The following NCAM1 variants were observed in gnomAD, a reference collection of about 807,000 sequenced individuals.
NCAM1 encodes antigen recognized by monoclonal antibody 5.1H11.
A neutral mutation model predicts 109.8 loss-of-function variants in NCAM1; 14 were observed. The ratio of observed to expected loss-of-function variants is 0.13; its 90% CI spans 0.08 to 0.20. NCAM1 has a LOEUF of 0.20. NCAM1 is among the 10% of genes least tolerant of loss of function. NCAM1 has a pLI of 1.00. For synonymous variants in NCAM1, 418 were observed against 442.9 expected (o/e 0.94, Z 0.70); for missense variants, 774 against 1,109.9 (o/e 0.70, Z 4.30).
At chr11:113,253,530 C>T (rs1437821869) in intron 15 of NCAM1, among the ~76,000 whole-genome samples, 3 of 152,128 alleles carry the variant, frequency 2.0e-5, no homozygotes, top group Non-Finnish European at 4.4e-5. Context: ...TGGAATGAAA[C>T]TTGATCGAGG....
intron 1 of NCAM1, among the ~76,000 whole-genome samples, chr11:113,112,332 A>G (rs889639692): frequency 2.6e-5 from 4 of 152,232 alleles, no homozygotes; most frequent in Admixed American, 6.5e-5. Context: ...TTTCCTTTAA[A>G]AGGCACAATA....
intron 1 of NCAM1, among the ~76,000 whole-genome samples, chr11:112,967,887 T>C (rs1379623740): frequency 6.6e-6 from 1 of 152,020 alleles, no homozygotes; most frequent in African/African-American, 2.4e-5. Context: ...GCCTGAAGGG[T>C]ATATAATTTT....
In NCAM1 at chr11:113,114,004, C is replaced by T. The variant is rs77271757; in HGVS notation, c.53-88375C>T. ...GGCTAACAATCTGCTTTTAAACTAG[C>T]GATGTATTCTGATGCCCAGTGCTTC... On this transcript the variant is annotated intron_variant, in intron 1 of 19. Transcript: ENST00000316851. Among the ~76,000 whole-genome samples the T allele has an allele frequency of 7.4e-3, 1,125 of 152,294 alleles. 5 individuals carry two copies. The highest frequency in any genetic ancestry group is 0.011 in the Non-Finnish European group (769 of 68,028).
At chr11:113,157,476 T>G (rs1274778790) in intron 1 of NCAM1, among the ~76,000 whole-genome samples, 18 of 152,180 alleles carry the variant, frequency 1.2e-4, no homozygotes, top group Admixed American at 1.2e-3. Flanking sequence ...ATAATACACA[T>G]ACTAGTCAGA....
At chr11:113,137,493 A>G (rs1348749391) in intron 1 of NCAM1, among the ~76,000 whole-genome samples, 1 of 152,254 alleles carries the variant, frequency 6.6e-6, no homozygotes, top group Non-Finnish European at 1.5e-5. Flanking sequence ...GCATTAAGCA[A>G]CAAATATTAA....
chr11:113,207,746 A>T, intron 6 of NCAM1, 87 bp from the exon 7 acceptor site: 2 of 1,392,564 alleles, frequency 1.4e-6, no homozygotes, highest in Admixed American at 2.1e-5. Flanking sequence ...CCATTGACTC[A>T]GTCTGCATTC....
intron 1 of NCAM1, among the ~76,000 whole-genome samples, chr11:113,075,205 T>A (rs1938474851): frequency 2.0e-5 from 3 of 151,908 alleles, no homozygotes; most frequent in African/African-American, 7.3e-5. Context: ...TAGCTGGGAG[T>A]ACAGGTGCAC....
chr11:113,008,626 A>C (rs1951950763), intron 1 of NCAM1, among the ~76,000 whole-genome samples: 1 of 152,208 alleles, frequency 6.6e-6, no homozygotes, highest in Admixed American at 6.5e-5. Context: ...ATTCTTCTTG[A>C]TACTAAATAG....
intron 1 of NCAM1, among the ~76,000 whole-genome samples, chr11:113,006,626 C>A (rs917660893): frequency 6.6e-6 from 1 of 152,152 alleles, no homozygotes; most frequent in Admixed American, 6.5e-5. Context: ...GTAAAGAGAA[C>A]TTTTGATCAG....
intron 1 of NCAM1, among the ~76,000 whole-genome samples, chr11:113,169,629 G>GTTTTT (rs3051905): frequency 2.9e-5 from 4 of 139,280 alleles, no homozygotes; most frequent in Non-Finnish European, 4.6e-5. Flanking sequence ...TTGGATGGGA[G>GTTTTT]TTTTTTTTTT....
rs142001789 is a variant in NCAM1 at position 113,049,538 on chromosome 11, G to A, written c.52+87874G>A. On this transcript the variant is annotated intron_variant, in intron 1 of 19. Coordinates refer to ENST00000316851, the MANE Select transcript of NCAM1 (RefSeq NM_181351.5). Reference sequence around the variant, plus strand: ...CTTCTGCTTCCATTATTTGAGCCAGGGTGATGATTCTTTTCCCAGATACTC... The same window carrying A: ...CTTCTGCTTCCATTATTTGAGCCAGAGTGATGATTCTTTTCCCAGATACTC... 1.6e-4 allele frequency among the ~76,000 whole-genome samples: 25 copies of A among 152,272 alleles called. 1 individual carries two copies. The East Asian group carries it at 4.8e-3, about 29-fold the overall frequency.
intron 1 of NCAM1, among the ~76,000 whole-genome samples, chr11:112,980,759 A>G (rs1324346840): frequency 2.0e-5 from 3 of 151,812 alleles, no homozygotes; most frequent in African/African-American, 7.2e-5. Context: ...ATCCCTATGA[A>G]GGTTTATTTT....
At chr11:113,157,707 C>A (rs1942464493) in intron 1 of NCAM1, among the ~76,000 whole-genome samples, 1 of 152,058 alleles carries the variant, frequency 6.6e-6, no homozygotes, top group Non-Finnish European at 1.5e-5. Context: ...AGCAGTAATA[C>A]ATATGTTATC....
At chr11:113,007,087 G>A (rs1473207926) in intron 1 of NCAM1, among the ~76,000 whole-genome samples, 1 of 152,200 alleles carries the variant, frequency 6.6e-6, no homozygotes, top group Non-Finnish European at 1.5e-5. Context: ...GATAGGAAGT[G>A]TTGCATTAAT....
In NCAM1 at chr11:113,017,085, C is replaced by T. The variant is rs543695381; in HGVS notation, c.52+55421C>T. ...TCAGAGTTTTGTCAACGTGTTGCAA[C>T]AACCTATGAATCAGAGGATGACAGT... On this transcript the variant is annotated intron_variant, in intron 1 of 19. Transcript: ENST00000316851. 5.3e-5 allele frequency among the ~76,000 whole-genome samples: 8 copies of T among 152,276 alleles called. No homozygotes were observed. In the East Asian group the frequency reaches 1.5e-3, roughly 29 times the overall value.
At chr11:113,207,658 A>G (rs1225917828) in intron 6 of NCAM1, among the ~76,000 whole-genome samples, 175 bp from the exon 7 acceptor site, 1 of 152,144 alleles carries the variant, frequency 6.6e-6, no homozygotes, top group Non-Finnish European at 1.5e-5. Context: ...TAGTCAGAGG[A>G]TGGAATAGAG....
At chr11:112,978,966 A>G (rs1951077999) in intron 1 of NCAM1, among the ~76,000 whole-genome samples, 1 of 151,868 alleles carries the variant, frequency 6.6e-6, no homozygotes, top group Non-Finnish European at 1.5e-5. Context: ...CTGTGAAACT[A>G]CTTGTTATTA....
intron 1 of NCAM1, among the ~76,000 whole-genome samples, chr11:113,102,478 T>C (rs1555091712): frequency 6.6e-6 from 1 of 152,200 alleles, no homozygotes; most frequent in Admixed American, 6.5e-5. Context: ...AGCACTAGTC[T>C]TGCAATTCCT....
At chr11:113,047,432 C>A (rs1953308800) in intron 1 of NCAM1, among the ~76,000 whole-genome samples, 1 of 151,998 alleles carries the variant, frequency 6.6e-6, no homozygotes, top group African/African-American at 2.4e-5. Context: ...CAACAAATAA[C>A]AGAAAATAAA....
Sources: gnomAD v4.1 joint callset for allele counts (sites outside exome capture counted in the v4.1 genomes callset) on GRCh38, gnomAD v4.1.1 for gene constraint, MANE v1.5 for transcripts, NCBI Gene and HGNC (gene_info 2026-07-23, HGNC 2026-07-21) for gene names.